FNDC7: variants seen among roughly 807,000 people sequenced by gnomAD.
FNDC7 encodes fibronectin type III domain containing 7, also known as fibronectin type III domain-containing protein 7.
A neutral mutation model predicts 74.2 loss-of-function variants in FNDC7; 66 were observed. That is an observed-to-expected ratio of 0.89 (90% CI 0.73 to 1.09). The LOEUF (loss-of-function observed/expected upper bound fraction) is 1.09, where lower values mean the gene tolerates loss of function less well. Ranked by LOEUF, FNDC7 falls within the 50% of genes least tolerant of loss-of-function variation. The pLI, the probability that FNDC7 is intolerant of heterozygous loss-of-function variation, is 0.00. For missense variants in FNDC7, 829 were observed against 893.4 expected, an observed-to-expected ratio of 0.93 and a Z score of 0.92; for synonymous variants, 307 against 330.2, an observed-to-expected ratio of 0.93 and a Z score of 0.76.
chr1:108,736,143 C>T (rs923834776), intron 10 of FNDC7, among the ~76,000 whole-genome samples: 9 of 152,180 alleles, frequency 5.9e-5, no homozygotes, highest in African/African-American at 1.7e-4. Flanking sequence ...CCACAACATC[C>T]GTCCTGAGAG....
At chr1:108,732,954 T>C (rs931077928) in intron 9 of FNDC7, among the ~76,000 whole-genome samples, 4 of 150,034 alleles carry the variant, frequency 2.7e-5, no homozygotes, top group African/African-American at 9.8e-5. Flanking sequence ...TTTTTTTTTT[T>C]GTAGAGTCAG....
At chr1:108,720,639 C>T (rs1661074498) in intron 4 of FNDC7, among the ~76,000 whole-genome samples, 1 of 152,168 alleles carries the variant, frequency 6.6e-6, no homozygotes, top group Non-Finnish European at 1.5e-5. Context: ...AAGGTGTTGG[C>T]TAGGTTGGTT....
At position 108,742,576 on chromosome 1, in the gene FNDC7, A is replaced by C. The variant is rs939060408; in HGVS notation, c.*689A>C. ...GGGTTGCAGTTATGCTTTCTGCATGAGAGAAGATGTCAAATGGAGAGCCTC... is the reference window on the plus strand; with the variant it reads ...GGGTTGCAGTTATGCTTTCTGCATGCGAGAAGATGTCAAATGGAGAGCCTC... On this transcript the variant is annotated 3_prime_UTR_variant, in exon 13 of 13. Coordinates refer to ENST00000370017, the MANE Select transcript of FNDC7 (RefSeq NM_001144937.3). The C allele has an allele frequency of 6.6e-6, 1 of 152,198 alleles. No individual in the cohort carries two copies. The highest frequency in any genetic ancestry group is 2.4e-5 in the African/African-American group (1 of 41,438). 9.4% of individuals were successfully genotyped at this position (152,198 alleles called of 1,614,324 possible).
chr1:108,723,666 A>G (rs1661144538), intron 5 of FNDC7, among the ~76,000 whole-genome samples: 1 of 152,216 alleles, frequency 6.6e-6, no homozygotes, highest in South Asian at 2.1e-4. Flanking sequence ...GAGAAGAGAG[A>G]AAAAATACTT....
intron 11 of FNDC7, among the ~76,000 whole-genome samples, chr1:108,739,568 A>G (rs1486197377): frequency 6.6e-6 from 1 of 152,200 alleles, no homozygotes; most frequent in Admixed American, 6.5e-5. Context: ...CTAAATCCCC[A>G]GGTGATTCGT....
At chr1:108,734,746 T>C (rs974866525) in intron 10 of FNDC7, 2 of 152,154 alleles carry the variant, frequency 1.3e-5, no homozygotes, top group Non-Finnish European at 1.5e-5. Context: ...GGGACAGGAA[T>C]AGGTTCCTGG....
At chr1:108,729,694 A>G (rs563848776) in intron 8 of FNDC7, among the ~76,000 whole-genome samples, 1 of 152,366 alleles carries the variant, frequency 6.6e-6, no homozygotes, top group South Asian at 2.1e-4. Flanking sequence ...GAGCTCCATA[A>G]AAGAAAACTA....
Position 108,733,528 on chromosome 1 carries a change from T to C in FNDC7, c.2136T>C (p.Tyr712=), listed in dbSNP as rs1661444609. 1.2e-6 allele frequency: 2 copies of C among 1,612,158 alleles called. No individual in the cohort carries two copies. The highest frequency in any genetic ancestry group is 1.7e-5 in the Admixed American group (1 of 59,986). Residue 712 remains tyrosine, a synonymous_variant, in exon 10 of 13, where the codon TAT becomes TAC. Coordinates refer to ENST00000370017, the MANE Select transcript of FNDC7 (RefSeq NM_001144937.3). ...LKLTFCPKKI[Y]SVTCSGSTLG... ...TTACTTTCTGTCCAAAAAAAATATA[T>C]TCAGGTAAAGCAAGTTATGACAGTT...
rs961153421 is a variant in FNDC7, at chr1:108,714,714, C to T, written c.82+1185C>T. On this transcript the variant is annotated intron_variant, in intron 2 of 12. Transcript: ENST00000370017. Reference sequence around the variant, plus strand: ...CTGCCTCCCAGGTTCAGGCCATTCTCCTGCCTCAGCCTCTCCGAGCAGCTG... The same window carrying T: ...CTGCCTCCCAGGTTCAGGCCATTCTTCTGCCTCAGCCTCTCCGAGCAGCTG... Among the ~76,000 whole-genome samples the T allele has an allele frequency of 5.4e-5, 8 of 146,888 alleles. No homozygotes were observed. In the Admixed American group the frequency reaches 5.7e-4, roughly 11 times the overall value.
At chr1:108,719,639 T>C (rs1208011501) in intron 4 of FNDC7, among the ~76,000 whole-genome samples, 11 of 152,042 alleles carry the variant, frequency 7.2e-5, no homozygotes, top group Admixed American at 7.2e-4. Context: ...AAGCTGAAGC[T>C]TGGTGTGCAT....
At chr1:108,738,846 A>G (rs1661577031) in intron 11 of FNDC7, among the ~76,000 whole-genome samples, 1 of 152,194 alleles carries the variant, frequency 6.6e-6, no homozygotes, top group Admixed American at 6.5e-5. Flanking sequence ...TTTGTTTTCT[A>G]TGACTACAAA....
At chr1:108,739,982 G>A (rs558358449) in intron 11 of FNDC7, among the ~76,000 whole-genome samples, 105 of 138,930 alleles carry the variant, frequency 7.6e-4, no homozygotes, top group South Asian at 7.0e-3. Flanking sequence ...GTTTGAGGCC[G>A]ACCTTGGCAA....
chr1:108,713,193 T>C lies in FNDC7; in HGVS notation c.63+197T>C, dbSNP rs920636220. Among the ~76,000 whole-genome samples, 92 of 152,156 alleles carry C rather than the reference T, an allele frequency of 6.0e-4. 1 individual carries two copies. The highest frequency in any genetic ancestry group is 6.0e-3 in the Admixed American group (91 of 15,270). On this transcript the variant is annotated intron_variant, in intron 1 of 12. Transcript: ENST00000370017. ...CTAGAGAAAGAAAACAAGATTATCA[T>C]TATATTTTAAGAACAAAGATTTCTG...
intron 11 of FNDC7, among the ~76,000 whole-genome samples, chr1:108,741,355 A>G (rs758620534): frequency 6.6e-5 from 10 of 152,172 alleles, no homozygotes; most frequent in Non-Finnish European, 1.5e-4. Context: ...TCACCTGTAC[A>G]TCCTGGGCAA....
intron 11 of FNDC7, among the ~76,000 whole-genome samples, chr1:108,741,552 T>C (rs1661647605): frequency 6.6e-6 from 1 of 152,048 alleles, no homozygotes; most frequent in African/African-American, 2.4e-5. Flanking sequence ...TCTGGGAGGG[T>C]TCATTTGGTG....
In FNDC7 at chr1:108,722,411, A is replaced by C. The variant is rs1482803953; in HGVS notation, c.675A>C (p.Ala225=). The C allele has an allele frequency of 1.2e-6, 2 of 1,614,226 alleles. No homozygotes were observed. The highest frequency in any genetic ancestry group is 1.7e-6 in the Non-Finnish European group (2 of 1,180,028). The change falls in exon 5 of 13, where the codon GCA becomes GCC. Residue 225 remains alanine (A), a synonymous_variant. Coordinates refer to ENST00000370017, the MANE Select transcript of FNDC7 (RefSeq NM_001144937.3). ...ALKASFSWAR[A]EGAFNYTVMA... ...AGGCATCTTTTTCCTGGGCACGGGC[A>C]GAAGGAGCTTTCAATTATACTGTGA...
Position 108,742,088 on chromosome 1 carries a change from G to A in FNDC7, c.*201G>A, listed in dbSNP as rs1661662850. The A allele has an allele frequency of 2.2e-6, 1 of 463,966 alleles. No individual in the cohort carries two copies. Among genetic ancestry groups the A allele is most frequent in the African/African-American group, 2.0e-5 (1 of 49,834 alleles). 28.7% of individuals were successfully genotyped at this position (463,966 alleles called of 1,614,324 possible). A position where few individuals can be genotyped will look rare whatever the true frequency, so the allele number is the denominator to read the frequency against. On this transcript the variant is annotated 3_prime_UTR_variant, in exon 13 of 13. Transcript: ENST00000370017. Reference sequence around the variant, plus strand: ...TGTCCTCACCTGCACAGCAGTTGGAGATCTGCTATGTGAGGACTCTGGAGA... The same window carrying A: ...TGTCCTCACCTGCACAGCAGTTGGAAATCTGCTATGTGAGGACTCTGGAGA...
intron 6 of FNDC7, among the ~76,000 whole-genome samples, chr1:108,726,322 G>A (rs1661219914): frequency 6.6e-6 from 1 of 152,228 alleles, no homozygotes; most frequent in Non-Finnish European, 1.5e-5. Flanking sequence ...AGAGAAGGCA[G>A]TGCCTCCGTT....
chr1:108,738,045 C>T (rs1346935337), intron 11 of FNDC7, among the ~76,000 whole-genome samples: 1 of 152,196 alleles, frequency 6.6e-6, no homozygotes, highest in Non-Finnish European at 1.5e-5. Context: ...CCTGGGGCCT[C>T]GTTAAAGCCA....
Sources: gnomAD v4.1 joint callset for allele counts (sites outside exome capture counted in the v4.1 genomes callset) on GRCh38, gnomAD v4.1.1 for gene constraint, MANE v1.5 for transcripts, NCBI Gene and HGNC (gene_info 2026-07-23, HGNC 2026-07-21) for gene names.